The following RAB3GAP2 variants were observed in gnomAD, a reference collection of about 807,000 sequenced individuals.
RAB3GAP2 encodes the protein RAB3 GTPase activating non-catalytic protein subunit 2.
Under a neutral mutation model 185.3 loss-of-function variants are expected in RAB3GAP2, and 87 were observed. That is an observed-to-expected ratio of 0.47 (90% CI 0.39 to 0.56). RAB3GAP2 has a LOEUF of 0.56. Ranked by LOEUF, RAB3GAP2 falls within the 20% of genes least tolerant of loss-of-function variation. RAB3GAP2 has a pLI of 0.00. For missense variants in RAB3GAP2, 1,492 were observed against 1,638.2 expected, an observed-to-expected ratio of 0.91 and a Z score of 1.54; for synonymous variants, 554 against 576.1, an observed-to-expected ratio of 0.96 and a Z score of 0.55.
chr1:220,205,762 C>A (rs1658952049), intron 8 of RAB3GAP2, 145 bp downstream of exon 8: 1 of 654,696 alleles, frequency 1.5e-6, no homozygotes, highest in South Asian at 1.8e-5. Context: ...AACATGCTCC[C>A]CTTTCTCTAC....
intron 2 of RAB3GAP2, among the ~76,000 whole-genome samples, chr1:220,220,804 T>C (rs975701528): frequency 3.3e-5 from 5 of 152,338 alleles, no homozygotes; most frequent in South Asian, 4.1e-4. Flanking sequence ...CTCTTGTCTG[T>C]CGCCATGTGA....
rs778851334 is a variant in RAB3GAP2 at position 220,153,247 on chromosome 1, C to T, written c.3805G>A (p.Val1269Ile). The T allele has an allele frequency of 2.5e-5, 41 of 1,614,052 alleles. No homozygotes were observed. The highest frequency in any genetic ancestry group is 4.4e-5 in the South Asian group (4 of 91,084). ...LAHHLQVSEDVVRRHYVGELY... is the reference protein window; with the variant it reads ...LAHHLQVSEDIVRRHYVGELY... ...TCCCCCACATAATGCCTTCTAACAA[C>T]ATCTTCACTAACTTGAAGGTGATGG... The change falls in exon 33 of 35, where the codon GTT becomes ATT. Residue 1269 changes from valine (V) to isoleucine (I), a missense_variant. Physicochemically the swap from Val to Ile is conservative, Grantham distance 29. Transcript: ENST00000358951.
chr1:220,248,805 G>T (rs969753731), intron 1 of RAB3GAP2, among the ~76,000 whole-genome samples: 1 of 152,172 alleles, frequency 6.6e-6, no homozygotes, highest in East Asian at 1.9e-4. Context: ...TCATGGGGGA[G>T]GTTCTCATCA....
Position 220,153,189 on chromosome 1 carries a change from T to G in RAB3GAP2, c.3863A>C (p.Glu1288Ala), listed in dbSNP as rs985161879. 7 of 1,605,018 alleles carry G rather than the reference T, an allele frequency of 4.4e-6. No individual in the cohort carries two copies. The African/African-American group carries it at 9.4e-5, about 21-fold the overall frequency. ...CATTCAAAGGGTCATGATTACCTCT[T>G]CTCCTAAGTGGTCAACTCCATAGTT... ...LYNYGVDHLG[E>A]EAILQVHDKE... The change falls in exon 33 of 35, where the codon GAA (glutamate) becomes GCA (alanine). Residue 1288 changes from glutamate to alanine, a missense_variant. Physicochemically the swap from Glu to Ala is moderately radical, Grantham distance 107. Around this residue, in one of 5 missense-constraint regions of RAB3GAP2, gnomAD observed 387 missense variants for 455.3 expected, o/e 0.85. Transcript: ENST00000358951.
chr1:220,209,201 A>G (rs1659032349), intron 7 of RAB3GAP2, among the ~76,000 whole-genome samples: 1 of 152,140 alleles, frequency 6.6e-6, no homozygotes, highest in Non-Finnish European at 1.5e-5. Flanking sequence ...TCCTTCTCAT[A>G]AATCTTTAGG....
At chr1:220,204,747 C>T (rs1658929668) in intron 8 of RAB3GAP2, among the ~76,000 whole-genome samples, 2 of 126,460 alleles carry the variant, frequency 1.6e-5, no homozygotes, top group Non-Finnish European at 3.3e-5. Context: ...TCCCCCCACC[C>T]CACAACAGTC....
intron 7 of RAB3GAP2, among the ~76,000 whole-genome samples, chr1:220,209,192 C>A (rs1006625347): frequency 2.6e-5 from 4 of 152,168 alleles, no homozygotes; most frequent in Non-Finnish European, 5.9e-5. Context: ...TATTTCACTT[C>A]CTTCTCATAA....
At chr1:220,267,505 G>A (rs1660250398) in intron 1 of RAB3GAP2, 1 of 1,410,654 alleles carries the variant, frequency 7.1e-7, no homozygotes, top group Admixed American at 1.7e-5. Flanking sequence ...TTTACCCGGA[G>A]GGCGACCAAT....
chr1:220,260,361 T>C (rs183898484), intron 1 of RAB3GAP2, among the ~76,000 whole-genome samples: 92 of 152,304 alleles, frequency 6.0e-4, no homozygotes, highest in African/African-American at 2.0e-3. Flanking sequence ...CCATCAATGA[T>C]AGACTGGATA....
At position 220,213,953 on chromosome 1, in the gene RAB3GAP2, T is replaced by C. The variant is rs746058959; in HGVS notation, c.207A>G (p.Thr69=). The change falls in exon 3 of 35, where the codon ACA becomes ACG. Residue 69 remains threonine, a synonymous_variant. Transcript: ENST00000358951. ...EPEEEGNTCK[T]QKTSWLQDCV... ...AATCTTGGAGCCAGGAAGTTTTTTG[T>C]GTTTTGCAAGTATTTCCTTCTTCTT... 2 of 1,613,536 alleles carry C rather than the reference T, an allele frequency of 1.2e-6. No homozygotes were observed. The highest frequency in any genetic ancestry group is 1.1e-5 in the South Asian group (1 of 91,062).
At chr1:220,179,521 G>A (rs1346370720) in intron 21 of RAB3GAP2, among the ~76,000 whole-genome samples, 1 of 152,048 alleles carries the variant, frequency 6.6e-6, no homozygotes, top group East Asian at 1.9e-4. Flanking sequence ...AGACCATATG[G>A]ACCTAATAGA....
chr1:220,267,656 A>T, intron 1 of RAB3GAP2: 1 of 1,486,540 alleles, frequency 6.7e-7, no homozygotes, highest in Non-Finnish European at 9.4e-7. Flanking sequence ...GCCTGGAGGC[A>T]GGATGAGGTA....
intron 1 of RAB3GAP2, among the ~76,000 whole-genome samples, chr1:220,235,398 C>T (rs1385399937): frequency 6.6e-6 from 1 of 152,140 alleles, no homozygotes; most frequent in Non-Finnish European, 1.5e-5. Context: ...TTATCTCTTA[C>T]ATTAGAAAGC....
chr1:220,177,781 T>A (rs889058721), intron 21 of RAB3GAP2, among the ~76,000 whole-genome samples: 1 of 151,922 alleles, frequency 6.6e-6, no homozygotes, highest in Non-Finnish European at 1.5e-5. Flanking sequence ...ATGAAATGAA[T>A]GAAAAGGAAT....
chr1:220,267,664 G>A (rs754302845), intron 1 of RAB3GAP2: 31 of 1,503,628 alleles, frequency 2.1e-5, no homozygotes, highest in Non-Finnish European at 2.8e-5. Flanking sequence ...GCAGGATGAG[G>A]TACACTGGTT....
intron 1 of RAB3GAP2, among the ~76,000 whole-genome samples, chr1:220,245,413 A>G (rs1165925301): frequency 6.6e-6 from 1 of 152,204 alleles, no homozygotes; most frequent in Non-Finnish European, 1.5e-5. Flanking sequence ...TGACGGAAGC[A>G]CCTGGAAAAT....
chr1:220,241,431 C>T (rs944452577), intron 1 of RAB3GAP2, among the ~76,000 whole-genome samples: 7 of 151,900 alleles, frequency 4.6e-5, no homozygotes, highest in Admixed American at 6.5e-5. Context: ...AATTCATTTC[C>T]GTTCTTCTGA....
intron 2 of RAB3GAP2, among the ~76,000 whole-genome samples, chr1:220,217,178 T>G (rs1417487433): frequency 2.6e-5 from 4 of 152,124 alleles, no homozygotes; most frequent in Non-Finnish European, 5.9e-5. Context: ...ATCACCCTGC[T>G]CATCTCTGTG....
intron 9 of RAB3GAP2, 135 bp downstream of exon 9, chr1:220,202,141 G>T: frequency 1.0e-6 from 1 of 960,310 alleles, no homozygotes; most frequent in Non-Finnish European, 1.4e-6. Context: ...CTCCTGCCTG[G>T]GTGACAGAGC....
Sources: allele counts gnomAD v4.1 joint callset (sites outside exome capture counted in the v4.1 genomes callset), GRCh38; gene constraint gnomAD v4.1.1; regional missense constraint gnomAD v4.1.1; transcripts MANE v1.5; gene names NCBI Gene and HGNC (gene_info 2026-07-23, HGNC 2026-07-21).